Variants in ARIH2 observed in about 807,000 individuals in gnomAD.
ARIH2 encodes E3 ubiquitin-protein ligase ARIH2.
In ARIH2, 12 loss-of-function variants were observed where a neutral mutation model predicts 79.8. The observed-to-expected ratio is 0.15, with a 90% CI of 0.10 to 0.24. The LOEUF (loss-of-function observed/expected upper bound fraction) is 0.24. ARIH2 is among the 10% of genes least tolerant of loss of function. ARIH2 has a pLI of 1.00. For synonymous variants in ARIH2, 224 were observed against 213.9 expected, an observed-to-expected ratio of 1.05 and a Z score of -0.41; for missense variants, 301 against 618.3, an observed-to-expected ratio of 0.49 and a Z score of 5.44.
chr3:48,967,534 C>T (rs984244139), intron 6 of ARIH2, among the ~76,000 whole-genome samples: 4 of 152,164 alleles, frequency 2.6e-5, no homozygotes, highest in Admixed American at 6.5e-5. Context: ...TTTGGGAGAA[C>T]GATCCTTTAA....
At position 48,928,813 on chromosome 3, in the gene ARIH2, A is replaced by G. The variant is rs117066275; in HGVS notation, c.255+1000A>G. On this transcript the variant is annotated intron_variant, in intron 3 of 15. Coordinates refer to ENST00000356401, the MANE Select transcript of ARIH2 (RefSeq NM_006321.4). ...AGGTCTTTATTAGCAACTGGCTGGA[A>G]GCTGAAAGCTAAGTTGTTTTTTTTT... Among the ~76,000 whole-genome samples the G allele has an allele frequency of 3.1e-4, 47 of 152,160 alleles. 1 individual carries two copies. In the East Asian group the frequency reaches 8.9e-3, roughly 29 times the overall value.
At chr3:48,947,279 T>A (rs767414627) in intron 3 of ARIH2, among the ~76,000 whole-genome samples, 1 of 152,048 alleles carries the variant, frequency 6.6e-6, no homozygotes, top group Non-Finnish European at 1.5e-5. Context: ...TCATCTCTAC[T>A]AAAAATACAA....
chr3:48,956,287 C>T (rs1450865234), intron 3 of ARIH2, among the ~76,000 whole-genome samples: 7 of 151,474 alleles, frequency 4.6e-5, no homozygotes, highest in Middle Eastern at 3.4e-3. Context: ...TACAGGCGCC[C>T]GCCACAACAC....
intron 11 of ARIH2, among the ~76,000 whole-genome samples, chr3:48,977,816 G>A (rs1031702822): frequency 1.3e-5 from 2 of 152,170 alleles, no homozygotes; most frequent in South Asian, 4.1e-4. Context: ...GGGCATTGTT[G>A]CCACTATTAG....
chr3:48,964,965 C>G lies in ARIH2; in HGVS notation c.370C>G (p.Pro124Ala), dbSNP rs749836106. The part of the protein sequence containing the change: ...AQLLVEARVQ[P>A]NPSKHVPTSH... ...ACTGCTTGTTGAGGCTCGAGTTCAG[C>G]CTAATCCATCAAAACATGTGAGTGT... is the stretch of plus-strand genomic sequence containing the variant. Residue 124 changes from proline to alanine, a missense_variant, in exon 5 of 16, where the codon CCT becomes GCT. Pro to Ala is a conservative substitution (Grantham distance 27, BLOSUM62 -1). Transcript: ENST00000356401. 11 of 1,613,346 alleles carry G rather than the reference C, an allele frequency of 6.8e-6. No homozygotes were observed. In the South Asian group the frequency reaches 1.2e-4, roughly 18 times the overall value.
chr3:48,985,469 A>G lies in ARIH2; in HGVS notation c.*2199A>G, dbSNP rs1262711376. On this transcript the variant is annotated 3_prime_UTR_variant, in exon 16 of 16. Transcript: ENST00000356401. ...TTTGTTTTTCTTCAACGAAAAAGTT[A>G]ATTGAGGCAATGTCATCTGCTCAAA... 6.6e-6 allele frequency: 1 copy of G among 152,222 alleles called. No individual in the cohort carries two copies. Among genetic ancestry groups the G allele is most frequent in the Non-Finnish European group, 1.5e-5 (1 of 68,040 alleles). The allele number at this position is 152,222 out of a possible 1,614,324, so 9.4% of individuals were successfully genotyped here. A position where few individuals can be genotyped will look rare whatever the true frequency, so the allele number is the denominator to read the frequency against.
rs201245336 is a variant in ARIH2, at chr3:48,967,254, G to A, written c.517G>A (p.Val173Ile). 641 of 1,614,014 alleles carry A rather than the reference G, an allele frequency of 4.0e-4. No individual in the cohort carries two copies. The highest frequency in any genetic ancestry group is 5.1e-4 in the Non-Finnish European group (597 of 1,180,010). ...CTGGGAGCAGCACTGCTCAGTTCTCGTCAAGGACGGCGTGGGCGTGGGTGA... is the reference window on the plus strand; with the variant it reads ...CTGGGAGCAGCACTGCTCAGTTCTCATCAAGGACGGCGTGGGCGTGGGTGA... ...SCWEQHCSVLVKDGVGVGVSC... is the reference protein window; with the variant it reads ...SCWEQHCSVLIKDGVGVGVSC... Residue 173 changes from valine (V) to isoleucine (I), a missense_variant, in exon 6 of 16, where the codon GTC (valine) becomes ATC (isoleucine). Val to Ile is a conservative substitution (Grantham distance 29). Around this residue, in one of 2 missense-constraint regions of ARIH2, gnomAD observed 223 missense variants for 349.4 expected, o/e 0.64. Coordinates refer to ENST00000356401, the MANE Select transcript of ARIH2 (RefSeq NM_006321.4).
chr3:48,958,778 G>A (rs1256384687), intron 3 of ARIH2, among the ~76,000 whole-genome samples: 1 of 152,092 alleles, frequency 6.6e-6, no homozygotes, highest in Non-Finnish European at 1.5e-5. Flanking sequence ...TCGGGAGGAG[G>A]CTGAGGCAGG....
intron 4 of ARIH2, among the ~76,000 whole-genome samples, chr3:48,964,429 C>T (rs2091580110): frequency 6.6e-6 from 1 of 151,922 alleles, no homozygotes; most frequent in African/African-American, 2.4e-5. Flanking sequence ...GATTCTCTTG[C>T]CTCAGGCTCC....
At chr3:48,927,888 C>T (rs2085853444) in intron 3 of ARIH2, 75 bp downstream of exon 3, 4 of 1,539,032 alleles carry the variant, frequency 2.6e-6, no homozygotes, top group East Asian at 2.3e-5. Flanking sequence ...ATTAATGTCT[C>T]CTCCAGACTA....
At chr3:48,940,794 C>CAA (rs761364123) in intron 3 of ARIH2, among the ~76,000 whole-genome samples, 2,911 of 68,286 alleles carry the variant, frequency 0.043, 211 homozygotes, top group African/African-American at 0.17. Flanking sequence ...GACTCCGTCT[C>CAA]AAAAAAAAAA....
chr3:48,933,318 T>G (rs1001775299), intron 3 of ARIH2, among the ~76,000 whole-genome samples: 21 of 147,358 alleles, frequency 1.4e-4, no homozygotes, highest in South Asian at 4.3e-4. Flanking sequence ...TGCCCGGGGG[T>G]GTGTGTGTGT....
intron 7 of ARIH2, among the ~76,000 whole-genome samples, chr3:48,969,775 C>T (rs561731945): frequency 1.3e-5 from 2 of 152,144 alleles, no homozygotes; most frequent in South Asian, 4.1e-4. Context: ...TTTGCCTAAG[C>T]TTTTCAGATT....
At chr3:48,977,613 A>C (rs1332743390) in intron 11 of ARIH2, among the ~76,000 whole-genome samples, 1 of 152,088 alleles carries the variant, frequency 6.6e-6, no homozygotes, top group East Asian at 1.9e-4. Context: ...GTCCGCCACT[A>C]TACCCAGCTA....
At chr3:48,920,429 T>G (rs563708938) in intron 1 of ARIH2, among the ~76,000 whole-genome samples, 1 of 118,658 alleles carries the variant, frequency 8.4e-6, no homozygotes, top group Non-Finnish European at 1.7e-5. Flanking sequence ...TCTTTTTTTT[T>G]TGGAGGAGCC....
intron 2 of ARIH2, among the ~76,000 whole-genome samples, chr3:48,924,051 G>C (rs76415430): frequency 6.6e-6 from 1 of 152,322 alleles, no homozygotes; most frequent in East Asian, 1.9e-4. Flanking sequence ...GATCTGTTGA[G>C]CTCAGGAGTT....
chr3:48,979,867 G>A, intron 12 of ARIH2: 1 of 407,750 alleles, frequency 2.5e-6, no homozygotes, highest in Non-Finnish European at 4.3e-6. Flanking sequence ...ATGATGGATT[G>A]AAGGACAATG....
chr3:48,934,942 G>A, intron 3 of ARIH2: 1 of 985,080 alleles, frequency 1.0e-6, no homozygotes, highest in Non-Finnish European at 1.2e-6. Flanking sequence ...TGTAATCAAG[G>A]GGTGATACGG....
intron 3 of ARIH2, among the ~76,000 whole-genome samples, chr3:48,957,472 A>G (rs2090729497): frequency 6.6e-6 from 1 of 152,186 alleles, no homozygotes; most frequent in African/African-American, 2.4e-5. Flanking sequence ...TTCTTAGTGT[A>G]AAGGGCCCAT....
Sources: allele counts gnomAD v4.1 joint callset (sites outside exome capture counted in the v4.1 genomes callset), GRCh38; gene constraint gnomAD v4.1.1; regional missense constraint gnomAD v4.1.1; transcripts MANE v1.5; gene names NCBI Gene and HGNC (gene_info 2026-07-23, HGNC 2026-07-21).